SLC20A2: variants seen among roughly 807,000 people sequenced by gnomAD.
The protein encoded by SLC20A2 is solute carrier family 20 member 2, also known as sodium-dependent phosphate transporter 2.
A neutral mutation model predicts 61.0 loss-of-function variants in SLC20A2; 30 were observed. The ratio of observed to expected loss-of-function variants is 0.49; its 90% CI spans 0.37 to 0.67. SLC20A2 has a LOEUF of 0.67. Ranked by LOEUF, SLC20A2 falls within the 30% of genes least tolerant of loss-of-function variation. The pLI is 0.00. For synonymous variants in SLC20A2, 351 were observed against 353.3 expected (o/e 0.99, Z 0.07); for missense variants, 626 against 866.4 (o/e 0.72, Z 3.48).
chr8:42,524,130 A>G (rs1168792728), intron 1 of SLC20A2, among the ~76,000 whole-genome samples: 6 of 152,210 alleles, frequency 3.9e-5, no homozygotes, highest in Non-Finnish European at 5.9e-5. Context: ...GGGAGAGTAT[A>G]CCAAGGAACT....
chr8:42,456,697 A>ACGAT (rs1228762374), intron 5 of SLC20A2, among the ~76,000 whole-genome samples: 1 of 144,864 alleles, frequency 6.9e-6, no homozygotes, highest in Non-Finnish European at 1.5e-5. Flanking sequence ...ATGCCATTGC[A>ACGAT]CTCCAGCCCG....
At chr8:42,537,575 T>C (rs1176426400) in intron 1 of SLC20A2, 2 of 152,304 alleles carry the variant, frequency 1.3e-5, no homozygotes, top group Non-Finnish European at 2.9e-5. Context: ...TGATACTAAA[T>C]TAGTAACAAG....
At chr8:42,431,368 T>TGA (rs1803858084) in intron 8 of SLC20A2, among the ~76,000 whole-genome samples, 1 of 152,150 alleles carries the variant, frequency 6.6e-6, no homozygotes, top group South Asian at 2.1e-4. Flanking sequence ...AGCAAGGCCC[T>TGA]AGTTCTCTTC....
intron 1 of SLC20A2, among the ~76,000 whole-genome samples, chr8:42,520,890 T>C (rs1484911670): frequency 8.3e-6 from 1 of 121,198 alleles, no homozygotes; most frequent in African/African-American, 2.5e-5. Context: ...TTTGAGTACG[T>C]GTTGTCTTAC....
At chr8:42,494,244 A>G (rs1809745371) in intron 1 of SLC20A2, among the ~76,000 whole-genome samples, 1 of 152,234 alleles carries the variant, frequency 6.6e-6, no homozygotes, top group South Asian at 2.1e-4. Context: ...AATAACCATA[A>G]TTAACATATT....
chr8:42,462,667 A>T (rs1331951565), intron 4 of SLC20A2, among the ~76,000 whole-genome samples: 1 of 152,046 alleles, frequency 6.6e-6, no homozygotes, highest in Non-Finnish European at 1.5e-5. Context: ...GACAGTTTCA[A>T]AATCTTAACA....
At chr8:42,432,494 A>G (rs1425730105) in intron 8 of SLC20A2, among the ~76,000 whole-genome samples, 2 of 152,260 alleles carry the variant, frequency 1.3e-5, no homozygotes, top group Non-Finnish European at 2.9e-5. Flanking sequence ...AATATTCCAC[A>G]AACTCAGTTA....
At position 42,423,695 on chromosome 8, in the gene SLC20A2, C is replaced by T. The variant is rs1226556585; in HGVS notation, c.1794+5063G>A. On this transcript the variant is annotated intron_variant, in intron 10 of 10. Coordinates refer to ENST00000520262, the MANE Select transcript of SLC20A2 (RefSeq NM_001257180.2). ...ATACTTCATTTATCATACGCTAAGA[C>T]AGTAATTTCTGAGTTCTTAACAATT... Among the ~76,000 whole-genome samples the T allele has an allele frequency of 3.9e-5, 6 of 152,260 alleles. No individual in the cohort carries two copies. The South Asian group carries it at 1.2e-3, about 32-fold the overall frequency.
At chr8:42,458,627 G>A (rs1447366920) in intron 5 of SLC20A2, among the ~76,000 whole-genome samples, 3 of 145,552 alleles carry the variant, frequency 2.1e-5, no homozygotes, top group Non-Finnish European at 4.5e-5. Context: ...AAAAAAAAAG[G>A]CCGGGCATGG....
chr8:42,488,417 T>C (rs1809221162), intron 1 of SLC20A2, among the ~76,000 whole-genome samples: 1 of 152,022 alleles, frequency 6.6e-6, no homozygotes, highest in African/African-American at 2.4e-5. Flanking sequence ...CTCAAACTCC[T>C]GACCTTGTGA....
chr8:42,503,871 T>G (rs1001483441), upstream of SLC20A2, among the ~76,000 whole-genome samples: 1 of 152,216 alleles, frequency 6.6e-6, no homozygotes, highest in Admixed American at 6.5e-5. Flanking sequence ...AAACATCAAC[T>G]AAATACTGGG....
chr8:42,423,775 T>C lies in SLC20A2; in HGVS notation c.1794+4983A>G, dbSNP rs540663658. ...CATAAAAGATCCAGAGTACTATGTC[T>C]TTGCTACTGATCATGTCTTCCGTGA... On this transcript the variant is annotated intron_variant, in intron 10 of 10. Transcript: ENST00000520262. 3.9e-5 allele frequency among the ~76,000 whole-genome samples: 6 copies of C among 152,356 alleles called. No individual in the cohort carries two copies. The South Asian group carries it at 1.0e-3, about 26-fold the overall frequency.
intron 1 of SLC20A2, among the ~76,000 whole-genome samples, chr8:42,497,523 C>G (rs4361746): frequency 1.3e-5 from 2 of 151,886 alleles, no homozygotes; most frequent in African/African-American, 4.8e-5. Context: ...TCCAGCCCAA[C>G]CCTTGCTGGA....
intron 10 of SLC20A2, among the ~76,000 whole-genome samples, chr8:42,418,544 A>G (rs895581716): frequency 6.6e-6 from 1 of 151,948 alleles, no homozygotes; most frequent in African/African-American, 2.4e-5. Context: ...GCACCACCAC[A>G]TCCAGCTAAT....
chr8:42,511,855 T>G (rs1296420218), intron 1 of SLC20A2, among the ~76,000 whole-genome samples: 1 of 151,978 alleles, frequency 6.6e-6, no homozygotes. Context: ...GTAGCTGTGA[T>G]AAGCAAAAAA....
intron 6 of SLC20A2, among the ~76,000 whole-genome samples, chr8:42,443,264 G>GTT (rs1187147221): frequency 0.013 from 1,399 of 105,392 alleles, 145 homozygotes; most frequent in East Asian, 0.015. Context: ...ATTATTATAG[G>GTT]ATATATATAT....
chr8:42,475,955 C>T (rs1447376092), intron 1 of SLC20A2, among the ~76,000 whole-genome samples: 1 of 151,834 alleles, frequency 6.6e-6, no homozygotes, highest in Non-Finnish European at 1.5e-5. Context: ...TTTATGGAAC[C>T]GAAGTGAAAA....
chr8:42,518,426 A>G (rs1012700657), intron 1 of SLC20A2, among the ~76,000 whole-genome samples: 1 of 152,218 alleles, frequency 6.6e-6, no homozygotes. Context: ...ACCTGGAGGC[A>G]TATCTATGAT....
intron 8 of SLC20A2, 137 bp downstream of exon 8, chr8:42,436,852 T>C: frequency 1.3e-6 from 1 of 746,944 alleles, no homozygotes; most frequent in Non-Finnish European, 2.2e-6. Flanking sequence ...TATGGGTCTG[T>C]CCACCGCCTG....
Sources: gnomAD v4.1 joint callset for allele counts (sites outside exome capture counted in the v4.1 genomes callset) on GRCh38, gnomAD v4.1.1 for gene constraint, MANE v1.5 for transcripts, NCBI Gene and HGNC (gene_info 2026-07-23, HGNC 2026-07-21) for gene names.